Variants in MALRD1 observed in about 807,000 individuals in gnomAD.
MALRD1 encodes MAM and LDL receptor class A domain containing 1.
In MALRD1, 247 loss-of-function variants were observed where a neutral mutation model predicts 242.1. The observed-to-expected ratio is 1.02, with a 90% confidence interval of 0.92 to 1.13. The LOEUF is 1.13. Among genes scored for constraint, MALRD1 ranks in the 50% most tolerant of loss-of-function variants. The probability of loss-of-function intolerance (pLI) is 0.00; values close to 1 mark genes in which losing one functional copy is unlikely to be tolerated. For missense variants in MALRD1, 2,989 were observed against 2,533.1 expected (o/e 1.18, Z -3.86); for synonymous variants, 995 against 866.6 (o/e 1.15, Z -2.60).
rs373717863 is a variant in MALRD1, at chr10:19,692,886, T to TATATATATATATATATATATATATAA, written c.6314+333_6314+334insTATATATATATATATATATATATAAA. Among the ~76,000 whole-genome samples the TATATATATATATATATATATATATAA allele has an allele frequency of 1.8e-3, 251 of 136,818 alleles. 4 individuals carry two copies. The highest frequency in any genetic ancestry group is 6.5e-3 in the African/African-American group (223 of 34,500). The allele number at this position is 136,818 out of a possible 152,430, so 89.8% of individuals were successfully genotyped here. ...ATGAAATTATATATATATATATATA[T>TATATATATATATATATATATATATAA]AATTTCATCCCTGGAATGCAAGGCT... On this transcript the variant is annotated intron_variant, in intron 38 of 39. Transcript: ENST00000454679.
intron 34 of MALRD1, among the ~76,000 whole-genome samples, chr10:19,600,674 G>A (rs990792411): frequency 9.2e-5 from 14 of 152,000 alleles, no homozygotes; most frequent in African/African-American, 3.1e-4. Context: ...CATATTCTAC[G>A]TTTGAATATA....
intron 36 of MALRD1, among the ~76,000 whole-genome samples, chr10:19,618,099 C>T (rs979193572): frequency 2.0e-5 from 3 of 151,932 alleles, no homozygotes; most frequent in South Asian, 2.1e-4. Flanking sequence ...TCTGTTCCTG[C>T]GTTAGTTTGC....
At chr10:19,425,800 G>A (rs142921107) in intron 28 of MALRD1, among the ~76,000 whole-genome samples, 45 of 152,230 alleles carry the variant, frequency 3.0e-4, no homozygotes, top group African/African-American at 1.1e-3. Flanking sequence ...GGAGGAGGAC[G>A]ATTGAATTGT....
rs1011796667 is a variant in MALRD1 at position 19,574,030 on chromosome 10, A to T, written c.5680+6327A>T. On this transcript the variant is annotated intron_variant, in intron 33 of 39. Coordinates refer to ENST00000454679, the MANE Select transcript of MALRD1 (RefSeq NM_001142308.3). Reference sequence around the variant, plus strand: ...TCCTTTTTGTCTTGACTTGATAAATATAAGTTATTGGCAAATAGCAAGGTG... The same window carrying T: ...TCCTTTTTGTCTTGACTTGATAAATTTAAGTTATTGGCAAATAGCAAGGTG... 3.9e-5 allele frequency among the ~76,000 whole-genome samples: 6 copies of T among 152,258 alleles called. No homozygotes were observed. In the East Asian group the frequency reaches 1.2e-3, roughly 29 times the overall value.
chr10:19,301,537 G>T (rs1841949755), intron 21 of MALRD1, among the ~76,000 whole-genome samples: 1 of 151,832 alleles, frequency 6.6e-6, no homozygotes, highest in African/African-American at 2.4e-5. Flanking sequence ...CAGCCATAGA[G>T]AAGAATGAGA....
chr10:19,490,617 A>T (rs1837449232), intron 29 of MALRD1, among the ~76,000 whole-genome samples: 1 of 151,946 alleles, frequency 6.6e-6, no homozygotes, highest in African/African-American at 2.4e-5. Context: ...AGGTAGCAGG[A>T]CTCTGCTCAG....
chr10:19,681,837 G>A (rs1014817568), intron 36 of MALRD1, among the ~76,000 whole-genome samples: 1 of 146,316 alleles, frequency 6.8e-6, no homozygotes. Flanking sequence ...CTTTGGATGG[G>A]GTTTTTGTGG....
chr10:19,631,088 C>A (rs1423607326), intron 36 of MALRD1, among the ~76,000 whole-genome samples: 1 of 152,078 alleles, frequency 6.6e-6, no homozygotes, highest in Non-Finnish European at 1.5e-5. Context: ...TTATTCATCA[C>A]CCAGTACTAA....
At chr10:19,613,202 A>G (rs1023656335) in intron 35 of MALRD1, among the ~76,000 whole-genome samples, 2 of 151,992 alleles carry the variant, frequency 1.3e-5, no homozygotes, top group African/African-American at 2.4e-5. Context: ...CAGTGGTGCT[A>G]TCTAAAAGGC....
chr10:19,610,907 C>T (rs1250564120), intron 35 of MALRD1, among the ~76,000 whole-genome samples: 1 of 151,746 alleles, frequency 6.6e-6, no homozygotes, highest in East Asian at 1.9e-4. Flanking sequence ...TAGGCCAGTC[C>T]CTGACACATA....
chr10:19,562,718 G>C (rs1444850573), intron 32 of MALRD1, among the ~76,000 whole-genome samples: 1 of 152,088 alleles, frequency 6.6e-6, no homozygotes, highest in African/African-American at 2.4e-5. Flanking sequence ...AGAAGGTGAG[G>C]GGCAGGTGAG....
At chr10:19,596,165 C>T (rs974174454) in intron 34 of MALRD1, among the ~76,000 whole-genome samples, 2 of 152,034 alleles carry the variant, frequency 1.3e-5, no homozygotes, top group African/African-American at 4.8e-5. Flanking sequence ...GTATAATTAG[C>T]CAGTGTCAGG....
intron 29 of MALRD1, among the ~76,000 whole-genome samples, chr10:19,481,634 C>G (rs1328078821): frequency 2.0e-5 from 3 of 151,950 alleles, no homozygotes; most frequent in Non-Finnish European, 4.4e-5. Flanking sequence ...TATGAATCTT[C>G]TAGTCATATT....
intron 14 of MALRD1, among the ~76,000 whole-genome samples, chr10:19,189,341 C>T (rs1032783576): frequency 6.6e-6 from 1 of 152,018 alleles, no homozygotes; most frequent in African/African-American, 2.4e-5. Flanking sequence ...AAGTAAAGCC[C>T]TGGAACTGTC....
chr10:19,497,435 T>C (rs1837773551), intron 30 of MALRD1, among the ~76,000 whole-genome samples: 1 of 151,778 alleles, frequency 6.6e-6, no homozygotes, highest in South Asian at 2.1e-4. Flanking sequence ...CAAGTGGTTG[T>C]AATTTGTAGG....
At chr10:19,724,680 C>T (rs1347827334) in intron 38 of MALRD1, among the ~76,000 whole-genome samples, 1 of 152,144 alleles carries the variant, frequency 6.6e-6, no homozygotes. Flanking sequence ...AGTTTTATAG[C>T]CCCACTAAGC....
At chr10:19,511,861 G>T (rs989895117) in intron 31 of MALRD1, among the ~76,000 whole-genome samples, 7 of 151,818 alleles carry the variant, frequency 4.6e-5, no homozygotes, top group African/African-American at 1.7e-4. Context: ...AAATAAAAAA[G>T]ACAAAGTTTT....
At chr10:19,198,692 C>T (rs1448001569) in intron 14 of MALRD1, among the ~76,000 whole-genome samples, 1 of 152,046 alleles carries the variant, frequency 6.6e-6, no homozygotes, top group East Asian at 1.9e-4. Context: ...TCTCAGGAGA[C>T]CCTTTAAGCC....
At chr10:19,086,014 G>A (rs1835657360) in intron 2 of MALRD1, among the ~76,000 whole-genome samples, 1 of 151,976 alleles carries the variant, frequency 6.6e-6, no homozygotes, top group Non-Finnish European at 1.5e-5. Flanking sequence ...TTTACCTGCT[G>A]CAAGAGCCAA....
Sources: allele counts gnomAD v4.1 joint callset (sites outside exome capture counted in the v4.1 genomes callset), GRCh38; gene constraint gnomAD v4.1.1; transcripts MANE v1.5; gene names NCBI Gene and HGNC (gene_info 2026-07-23, HGNC 2026-07-21).